The following RAB27A variants were observed in gnomAD, a reference collection of about 807,000 sequenced individuals.
RAB27A encodes RAB27A, member RAS oncogene family, also known as ras-related protein Rab-27A.
Under a neutral mutation model 20.8 loss-of-function variants are expected in RAB27A, and 17 were observed. The ratio of observed to expected loss-of-function variants is 0.82; its 90% CI spans 0.56 to 1.23. RAB27A has a LOEUF of 1.23. Ranked by LOEUF, RAB27A falls within the 50% of genes most tolerant of loss-of-function variation. The probability of loss-of-function intolerance (pLI) is 0.00; values close to 1 mark genes in which losing one functional copy is unlikely to be tolerated. For synonymous variants in RAB27A, 85 were observed against 92.8 expected (o/e 0.92, Z 0.48); for missense variants, 277 against 266.7 (o/e 1.04, Z -0.27).
chr15:55,294,847 C>T (rs1308435401), intron 2 of RAB27A, among the ~76,000 whole-genome samples: 2 of 151,926 alleles, frequency 1.3e-5, no homozygotes, highest in African/African-American at 4.8e-5. Context: ...TAGACTTCAC[C>T]AAATTTTTTG....
chr15:55,238,992 A>G (rs868716062), intron 2 of RAB27A, among the ~76,000 whole-genome samples: 1 of 152,322 alleles, frequency 6.6e-6, no homozygotes, highest in Middle Eastern at 3.4e-3. Flanking sequence ...AACCTGATAT[A>G]TCTAACCAAA....
intron 2 of RAB27A, among the ~76,000 whole-genome samples, chr15:55,264,127 T>C (rs1295542004): frequency 2.0e-5 from 3 of 152,190 alleles, no homozygotes; most frequent in Non-Finnish European, 4.4e-5. Context: ...TCTTGGCTCA[T>C]TGCAACCTCT....
At chr15:55,252,580 C>A (rs143222882) in intron 2 of RAB27A, among the ~76,000 whole-genome samples, 1 of 151,458 alleles carries the variant, frequency 6.6e-6, no homozygotes, top group Non-Finnish European at 1.5e-5. Context: ...CCAGCCTGGG[C>A]GACAGAGTGA....
intron 1 of RAB27A, chr15:55,270,528 T>C (rs1897673774): frequency 6.6e-6 from 1 of 152,216 alleles, no homozygotes; most frequent in African/African-American, 2.4e-5. Flanking sequence ...GGCGGCTTTA[T>C]TAACCTCTTC....
chr15:55,251,280 T>G (rs187530457), intron 2 of RAB27A, among the ~76,000 whole-genome samples: 1 of 152,128 alleles, frequency 6.6e-6, no homozygotes, highest in African/African-American at 2.4e-5. Flanking sequence ...TATTTAAAGC[T>G]TAAGAGAATG....
intron 6 of RAB27A, among the ~76,000 whole-genome samples, chr15:55,213,247 C>T (rs1376737379): frequency 6.6e-6 from 1 of 152,174 alleles, no homozygotes; most frequent in Non-Finnish European, 1.5e-5. Flanking sequence ...GATTACTGTT[C>T]TTGAAGAATG....
intron 1 of RAB27A, among the ~76,000 whole-genome samples, chr15:55,280,178 C>T (rs1037894632): frequency 3.3e-5 from 5 of 152,098 alleles, no homozygotes; most frequent in Admixed American, 6.5e-5. Context: ...CAACAATTTC[C>T]GAGGCTGTGC....
intron 6 of RAB27A, among the ~76,000 whole-genome samples, chr15:55,216,223 G>C (rs766183519): frequency 6.6e-6 from 1 of 152,082 alleles, no homozygotes; most frequent in Non-Finnish European, 1.5e-5. Context: ...AAGCTTATTT[G>C]TAATGATGTT....
At position 55,294,938 on chromosome 15, in the gene RAB27A, T is replaced by C. The variant is rs143438640; in HGVS notation, c.-112+19101A>G. 9.7e-3 allele frequency among the ~76,000 whole-genome samples: 1,475 copies of C among 152,260 alleles called. 89 individuals carry two copies. Among genetic ancestry groups the C allele is most frequent in the Admixed American group, 0.087 (1,329 of 15,280 alleles). On this transcript the variant is annotated intron_variant, in intron 2 of 5. Transcript: ENST00000563262. ...AGAGAAAATATTTGCAAATCATATA[T>C]ATCTGATAAAATTATAGTATCAGAA...
chr15:55,314,141 G>A (rs1331356450), exon 2 of RAB27A: 2 of 142,514 alleles, frequency 1.4e-5, no homozygotes, highest in African/African-American at 5.3e-5. Context: ...TCCAGCCTGG[G>A]CATCACAGCG....
At chr15:55,259,346 C>A (rs1348774422) in intron 2 of RAB27A, among the ~76,000 whole-genome samples, 1 of 151,870 alleles carries the variant, frequency 6.6e-6, no homozygotes, top group Non-Finnish European at 1.5e-5. Context: ...AGTGCAATGG[C>A]ACAATCATAG....
chr15:55,259,159 T>C (rs143752931), intron 2 of RAB27A, among the ~76,000 whole-genome samples: 223 of 152,278 alleles, frequency 1.5e-3, no homozygotes, highest in Non-Finnish European at 2.6e-3. Flanking sequence ...ATATTCTGGA[T>C]ACTATTTATA....
In RAB27A at chr15:55,267,981, G is replaced by A. The variant is rs1412935540; in HGVS notation, c.-23+2184C>T. Among the ~76,000 whole-genome samples the A allele has an allele frequency of 3.9e-5, 6 of 152,268 alleles. No individual in the cohort carries two copies. The East Asian group carries it at 1.2e-3, about 29-fold the overall frequency. On this transcript the variant is annotated intron_variant, in intron 2 of 6. Coordinates refer to ENST00000336787, the MANE Select transcript of RAB27A (RefSeq NM_183235.3). ...AATGGTTGTTTGTATTCTTATGGCT[G>A]CAGGGTCATACCTCTGTGACTTAAC...
chr15:55,309,921 G>A (rs1433073243), intron 2 of RAB27A, among the ~76,000 whole-genome samples: 3 of 151,966 alleles, frequency 2.0e-5, no homozygotes, highest in Admixed American at 1.3e-4. Flanking sequence ...GGTCTAAGGG[G>A]GTACTGCCTT....
At chr15:55,293,645 C>T (rs991406792), upstream of RAB27A, among the ~76,000 whole-genome samples, 1 of 152,054 alleles carries the variant, frequency 6.6e-6, no homozygotes, top group South Asian at 2.1e-4. Flanking sequence ...TGGCCAGGCG[C>T]GGTGGCTCAC....
At chr15:55,303,285 G>A (rs1258210790) in intron 2 of RAB27A, among the ~76,000 whole-genome samples, 216 of 102,592 alleles carry the variant, frequency 2.1e-3, no homozygotes, top group African/African-American at 8.6e-3. Flanking sequence ...CGCCTGGCCA[G>A]CCGCCCCGTC....
At position 55,279,666 on chromosome 15, in the gene RAB27A, TCA is replaced by T. The variant is rs1490207924; in HGVS notation, c.-142-9384_-142-9383del. Among the ~76,000 whole-genome samples the T allele has an allele frequency of 2.6e-5, 4 of 152,320 alleles. No individual in the cohort carries two copies. The East Asian group carries it at 5.8e-4, about 22-fold the overall frequency. Reference sequence around the variant, plus strand: ...GAATCAAATGAAATAAGTAATAGCCTCACACACAGTGTCTCACATACAGCAGG... The same window carrying T: ...GAATCAAATGAAATAAGTAATAGCCTCACACAGTGTCTCACATACAGCAGG... On this transcript the variant is annotated intron_variant, in intron 1 of 6. Coordinates refer to ENST00000336787, the MANE Select transcript of RAB27A (RefSeq NM_183235.3).
intron 2 of RAB27A, among the ~76,000 whole-genome samples, chr15:55,241,624 A>ATATATATATATATATATGTG (rs377301086): frequency 8.5e-6 from 1 of 117,664 alleles, no homozygotes; most frequent in African/African-American, 4.4e-5. Flanking sequence ...ATATATATAT[A>ATATATATATATATATATGTG]TGTGTGTATA....
chr15:55,278,215 T>C (rs7165133), intron 1 of RAB27A, among the ~76,000 whole-genome samples: 5,851 of 152,258 alleles, frequency 0.038, 393 homozygotes, highest in African/African-American at 0.14. Context: ...GACTAAAACA[T>C]ATTAAAGAAA....
Sources: gnomAD v4.1 joint callset for allele counts (sites outside exome capture counted in the v4.1 genomes callset) on GRCh38, gnomAD v4.1.1 for gene constraint, MANE v1.5 for transcripts, NCBI Gene and HGNC (gene_info 2026-07-23, HGNC 2026-07-21) for gene names.